ZNF354B: variants seen among roughly 807,000 people sequenced by gnomAD.
The protein encoded by ZNF354B is zinc finger protein 354B.
A neutral mutation model predicts 12.9 loss-of-function variants in ZNF354B; 10 were observed. That is an observed-to-expected ratio of 0.77 (90% CI 0.48 to 1.31). The LOEUF (loss-of-function observed/expected upper bound fraction) is 1.31, where lower values mean the gene tolerates loss of function less well. Ranked by LOEUF, ZNF354B falls within the 40% of genes most tolerant of loss-of-function variation. The probability of loss-of-function intolerance (pLI) is 0.00; values close to 1 mark genes in which losing one functional copy is unlikely to be tolerated. For synonymous variants in ZNF354B, 260 were observed against 243.7 expected (o/e 1.07, Z -0.62); for missense variants, 614 against 711.7 (o/e 0.86, Z 1.56).
chr5:178,877,490 T>G (rs1459353495), intron 4 of ZNF354B, among the ~76,000 whole-genome samples: 1 of 152,044 alleles, frequency 6.6e-6, no homozygotes, highest in East Asian at 1.9e-4. Flanking sequence ...AATGTCTGAT[T>G]CCCCAAAGCA....
At position 178,860,979 on chromosome 5, in the gene ZNF354B, C is replaced by G; in HGVS notation, c.-51-18C>G. Reference sequence around the variant, plus strand: ...GGAAAGCAGAAGGGGTTCTTCCTGGCTCCCTTTTTCTTCTCAGATCTGCCT... The same window carrying G: ...GGAAAGCAGAAGGGGTTCTTCCTGGGTCCCTTTTTCTTCTCAGATCTGCCT... On this transcript the variant is annotated intron_variant, in intron 1 of 4. Coordinates refer to ENST00000322434, the MANE Select transcript of ZNF354B (RefSeq NM_058230.3). The G allele has an allele frequency of 1.5e-6, 1 of 670,834 alleles. No homozygotes were observed. Among genetic ancestry groups the G allele is most frequent in the Admixed American group, 2.9e-5 (1 of 34,978 alleles). The allele number at this position is 670,834 out of a possible 1,614,324, so 41.6% of individuals were successfully genotyped here.
rs1278070094 is a variant in ZNF354B, at chr5:178,883,705, G to T, written c.1253G>T (p.Gly418Val). The change falls in exon 5 of 5, where the codon GGC (glycine) becomes GTC (valine). Residue 418 changes from glycine to valine, a missense_variant. Coordinates refer to ENST00000322434, the MANE Select transcript of ZNF354B (RefSeq NM_058230.3). ...TATAGATGCAATGAATGTGGGAAAG[G>T]CTTTACTTCTATTTCACGACTTAAT... ...KPYRCNECGKGFTSISRLNRH... is the reference protein window; with the variant it reads ...KPYRCNECGKVFTSISRLNRH... The T allele has an allele frequency of 6.2e-7, 1 of 1,613,972 alleles. No individual in the cohort carries two copies. Among genetic ancestry groups the T allele is most frequent in the Non-Finnish European group, 8.5e-7 (1 of 1,179,992 alleles).
chr5:178,879,340 C>T (rs565315899), intron 4 of ZNF354B, among the ~76,000 whole-genome samples: 1 of 151,942 alleles, frequency 6.6e-6, no homozygotes, highest in East Asian at 1.9e-4. Context: ...AGCCGCTGTG[C>T]CCAGCCTGTG....
At chr5:178,879,251 T>C (rs1394024520) in intron 4 of ZNF354B, among the ~76,000 whole-genome samples, 2 of 151,992 alleles carry the variant, frequency 1.3e-5, no homozygotes, top group Non-Finnish European at 2.9e-5. Context: ...TTCACCATGT[T>C]GGTTAGGCTG....
chr5:178,865,751 A>G (rs1757437865), intron 2 of ZNF354B, among the ~76,000 whole-genome samples: 1 of 152,038 alleles, frequency 6.6e-6, no homozygotes, highest in Non-Finnish European at 1.5e-5. Context: ...AGGTGTTCTG[A>G]TTTTCATCAT....
At chr5:178,866,443 G>T (rs766086786) in intron 3 of ZNF354B, 73 bp downstream of exon 3, 91 of 1,538,692 alleles carry the variant, frequency 5.9e-5, no homozygotes, top group Non-Finnish European at 7.8e-5. Context: ...CTGAATAAAA[G>T]CAGTTGATCA....
At chr5:178,865,628 G>A (rs77634939) in intron 2 of ZNF354B, among the ~76,000 whole-genome samples, 22,577 of 152,000 alleles carry the variant, frequency 0.15, 2,061 homozygotes, top group African/African-American at 0.25. Flanking sequence ...AAATGGGAAC[G>A]ATAACTATTT....
At chr5:178,861,650 G>C (rs1186417534) in intron 2 of ZNF354B, among the ~76,000 whole-genome samples, 1 of 131,274 alleles carries the variant, frequency 7.6e-6, no homozygotes, top group Non-Finnish European at 1.8e-5. Context: ...TGGAGAGGTC[G>C]CTTGACTCGC....
rs770066748 is a variant in ZNF354B at position 178,883,641 on chromosome 5, C to G, written c.1189C>G (p.Leu397Val). Residue 397 changes from leucine (L) to valine (V), a missense_variant, in exon 5 of 5, where the codon CTT becomes GTT. Physicochemically the swap from Leu to Val is conservative, Grantham distance 32. Transcript: ENST00000322434. ...GAGAGCCTTCAGCCAGAGTGCCTCT[C>G]TTATTCAACATGAAAGAATTCACAC... is the stretch of plus-strand genomic sequence containing the variant. The part of the protein sequence containing the change: ...CGRAFSQSAS[L>V]IQHERIHTGE... 3 of 1,613,864 alleles carry G rather than the reference C, an allele frequency of 1.9e-6. No individual in the cohort carries two copies. The highest frequency in any genetic ancestry group is 2.5e-6 in the Non-Finnish European group (3 of 1,179,812).
chr5:178,862,628 G>T (rs930197963), intron 2 of ZNF354B, among the ~76,000 whole-genome samples: 3 of 152,156 alleles, frequency 2.0e-5, no homozygotes. Flanking sequence ...ACAGCCTCCC[G>T]GAGTGCTGGG....
At chr5:178,875,642 A>T (rs769320494) in intron 4 of ZNF354B, among the ~76,000 whole-genome samples, 2 of 152,154 alleles carry the variant, frequency 1.3e-5, no homozygotes, top group Admixed American at 6.5e-5. Flanking sequence ...TGCTACTGGG[A>T]ATCTTCAGCC....
intron 3 of ZNF354B, among the ~76,000 whole-genome samples, chr5:178,866,613 A>G (rs905571245): frequency 1.3e-5 from 2 of 152,056 alleles, no homozygotes; most frequent in Admixed American, 1.3e-4. Flanking sequence ...CACATTAGAA[A>G]TTCTCTCATA....
intron 4 of ZNF354B, among the ~76,000 whole-genome samples, chr5:178,877,332 G>T (rs555934785): frequency 6.2e-4 from 94 of 152,086 alleles, no homozygotes; most frequent in Non-Finnish European, 1.1e-3. Flanking sequence ...ACCACACCTG[G>T]CTAATTTTTA....
chr5:178,882,825 T>G lies in ZNF354B; in HGVS notation c.373T>G (p.Cys125Gly). The G allele has an allele frequency of 1.2e-6, 2 of 1,606,622 alleles. No individual in the cohort carries two copies. The highest frequency in any genetic ancestry group is 2.3e-5 in the South Asian group (2 of 88,168). Residue 125 changes from cysteine to glycine, a missense_variant, in exon 5 of 5, where the codon TGC becomes GGC. By Grantham distance (159) the Cys-to-Gly change is radical. Transcript: ENST00000322434. ...EPWNFISERS[C>G]IYEEKLKKQQ... ...CTGGAACTTCATATCAGAAAGATCC[T>G]GCATATATGAAGAGAAATTAAAGAA...
At chr5:178,877,369 C>A (rs1343191141) in intron 4 of ZNF354B, among the ~76,000 whole-genome samples, 2 of 152,114 alleles carry the variant, frequency 1.3e-5, no homozygotes, top group African/African-American at 4.8e-5. Flanking sequence ...AGGATTTCCC[C>A]ATTGGCCAGG....
chr5:178,883,622 C>G lies in ZNF354B; in HGVS notation c.1170C>G (p.Ala390=), dbSNP rs1340261641. 1.9e-6 allele frequency: 3 copies of G among 1,613,614 alleles called. No homozygotes were observed. The highest frequency in any genetic ancestry group is 1.1e-5 in the South Asian group (1 of 91,066). ...TTAAATGTAGTGAATGTGGGAGAGC[C>G]TTCAGCCAGAGTGCCTCTCTTATTC... ...KPFKCSECGR[A]FSQSASLIQH... Residue 390 remains alanine, a synonymous_variant, in exon 5 of 5, where the codon GCC becomes GCG. Coordinates refer to ENST00000322434, the MANE Select transcript of ZNF354B (RefSeq NM_058230.3).
At chr5:178,873,532 C>T (rs1757592680) in intron 4 of ZNF354B, among the ~76,000 whole-genome samples, 1 of 152,118 alleles carries the variant, frequency 6.6e-6, no homozygotes, top group South Asian at 2.1e-4. Context: ...TTGTTGAAGT[C>T]GTCTTTCCTC....
chr5:178,881,616 T>G (rs1194916871), intron 4 of ZNF354B, among the ~76,000 whole-genome samples: 1 of 145,712 alleles, frequency 6.9e-6, no homozygotes, highest in Non-Finnish European at 1.5e-5. Context: ...TTTTAATATG[T>G]CAATTTTATA....
rs112567576 is a variant in ZNF354B at position 178,877,845 on chromosome 5, T to C, written c.257-4864T>C. 4.1e-3 allele frequency among the ~76,000 whole-genome samples: 625 copies of C among 152,262 alleles called. 1 individual carries two copies. Among genetic ancestry groups the C allele is most frequent in the Admixed American group, 7.9e-3 (121 of 15,294 alleles). ...ACAAGCCTTCATATAGTTTCCAGAG[T>C]TTCAAAATAGTTGTATCAGACAGAT... On this transcript the variant is annotated intron_variant, in intron 4 of 4. Transcript: ENST00000322434.
Sources: gnomAD v4.1 joint callset for allele counts (sites outside exome capture counted in the v4.1 genomes callset) on GRCh38, gnomAD v4.1.1 for gene constraint, MANE v1.5 for transcripts, NCBI Gene and HGNC (gene_info 2026-07-23, HGNC 2026-07-21) for gene names.